Variants in EXOC2 observed in about 807,000 individuals in gnomAD.
The protein encoded by EXOC2 is SEC5-like 1.
A neutral mutation model predicts 131.8 loss-of-function variants in EXOC2; 70 were observed. The observed-to-expected ratio is 0.53, with a 90% CI of 0.44 to 0.65. The LOEUF is 0.65. Among genes scored for constraint, EXOC2 ranks in the 30% least tolerant of loss-of-function variants. EXOC2 has a pLI of 0.00. For missense variants in EXOC2, 923 were observed against 1,108.6 expected, an observed-to-expected ratio of 0.83 and a Z score of 2.38; for synonymous variants, 411 against 398.4, an observed-to-expected ratio of 1.03 and a Z score of -0.38.
At chr6:533,992 C>A (rs1015168726) in intron 22 of EXOC2, among the ~76,000 whole-genome samples, 1 of 152,166 alleles carries the variant, frequency 6.6e-6, no homozygotes, top group African/African-American at 2.4e-5. Flanking sequence ...AGAAAGAAAA[C>A]CCTCATGACG....
rs774285367 is a variant in EXOC2, at chr6:637,738, CCT to C, written c.79_80del (p.Arg27GlyfsTer20). ...EGIPWTKVTIRGENLGTGPTD... is the reference protein window; with the variant it reads ...EGIPWTKVTIXGENLGTGPTD... ...TGGGGCCAGTCCCCAGATTTTCTCC[CCT>C]GATTGTGACCTTCGTCCATGGTATC... On this transcript the variant is annotated frameshift_variant, in exon 2 of 28. Transcript: ENST00000230449. LOFTEE classifies it high-confidence loss of function. The C allele has an allele frequency of 1.3e-5, 21 of 1,613,514 alleles. No homozygotes were observed. The highest frequency in any genetic ancestry group is 3.3e-5 in the Admixed American group (2 of 59,932).
intron 6 of EXOC2, among the ~76,000 whole-genome samples, chr6:613,044 C>A (rs556396744): frequency 1.1e-3 from 175 of 152,282 alleles, no homozygotes; most frequent in African/African-American, 3.9e-3. Context: ...GCTCCAGGAA[C>A]CTCACCACCA....
chr6:539,720 A>G (rs1375314646), intron 22 of EXOC2, among the ~76,000 whole-genome samples: 3 of 152,266 alleles, frequency 2.0e-5, no homozygotes, highest in Non-Finnish European at 2.9e-5. Context: ...CTTCCAAGAA[A>G]GAAAATAAAC....
chr6:555,724 A>G (rs999023800), intron 19 of EXOC2, among the ~76,000 whole-genome samples: 10 of 152,254 alleles, frequency 6.6e-5, no homozygotes, highest in Non-Finnish European at 1.0e-4. Flanking sequence ...AAGAGAACAC[A>G]AAAAAGGGGA....
rs141243342 is a variant in EXOC2 at position 503,256 on chromosome 6, T to C, written c.2381-3556A>G. Among the ~76,000 whole-genome samples the C allele has an allele frequency of 3.9e-3, 593 of 152,246 alleles. 4 individuals carry two copies. Among genetic ancestry groups the C allele is most frequent in the Middle Eastern group, 0.024 (7 of 294 alleles). ...CATTCATTCAACTAACATAAATTCA[T>C]TGAGATCCTACTACATGGAGGATGC... On this transcript the variant is annotated intron_variant, in intron 23 of 27. Transcript: ENST00000230449.
At chr6:508,063 T>C (rs1764659657) in intron 23 of EXOC2, among the ~76,000 whole-genome samples, 1 of 152,216 alleles carries the variant, frequency 6.6e-6, no homozygotes, top group Non-Finnish European at 1.5e-5. Context: ...TCCTAAAAAA[T>C]GAGATGTTAC....
At chr6:600,767 T>C (rs752278753) in intron 7 of EXOC2, among the ~76,000 whole-genome samples, 1 of 152,152 alleles carries the variant, frequency 6.6e-6, no homozygotes, top group Non-Finnish European at 1.5e-5. Context: ...AAAATTTATA[T>C]GCAGAAATTA....
chr6:524,127 A>C (rs1275438198), intron 23 of EXOC2: 1 of 152,200 alleles, frequency 6.6e-6, no homozygotes, highest in Non-Finnish European at 1.5e-5. Context: ...ATATATGCTG[A>C]GTGGAAAGAA....
intron 1 of EXOC2, among the ~76,000 whole-genome samples, chr6:653,960 A>T (rs1762943956): frequency 6.6e-6 from 1 of 152,140 alleles, no homozygotes; most frequent in Non-Finnish European, 1.5e-5. Flanking sequence ...TGATAAATCT[A>T]CTCTGCCTGT....
chr6:541,767 C>T (rs974218293), intron 22 of EXOC2, among the ~76,000 whole-genome samples: 1 of 152,134 alleles, frequency 6.6e-6, no homozygotes, highest in African/African-American at 2.4e-5. Flanking sequence ...GGTTCTATAA[C>T]CATTAAAGAA....
At chr6:489,746 A>C (rs1326043447) in intron 26 of EXOC2, among the ~76,000 whole-genome samples, 1 of 152,252 alleles carries the variant, frequency 6.6e-6, no homozygotes, top group Non-Finnish European at 1.5e-5. Flanking sequence ...TGATTGGTTA[A>C]GGTGAAGAAA....
chr6:644,803 C>T (rs913903231), intron 1 of EXOC2, among the ~76,000 whole-genome samples: 2 of 152,058 alleles, frequency 1.3e-5, no homozygotes, highest in Non-Finnish European at 2.9e-5. Flanking sequence ...AAGACTTCTA[C>T]ATTAAAAACT....
chr6:664,880 C>T (rs1306060575), intron 1 of EXOC2, among the ~76,000 whole-genome samples: 5 of 152,114 alleles, frequency 3.3e-5, no homozygotes, highest in African/African-American at 1.2e-4. Context: ...TTGGCTTAGG[C>T]AAGGATTTCA....
chr6:690,835 A>G (rs912580390), intron 1 of EXOC2, among the ~76,000 whole-genome samples: 3 of 152,236 alleles, frequency 2.0e-5, no homozygotes, highest in Non-Finnish European at 2.9e-5. Context: ...TCACCATGTG[A>G]TTTCAGCAGG....
chr6:504,844 A>C (rs1341947763), intron 23 of EXOC2, among the ~76,000 whole-genome samples: 1 of 151,922 alleles, frequency 6.6e-6, no homozygotes, highest in Non-Finnish European at 1.5e-5. Flanking sequence ...AACAGACAGG[A>C]CCCCCCACCC....
chr6:543,256 C>T (rs62388792), intron 22 of EXOC2, among the ~76,000 whole-genome samples: 8,530 of 152,212 alleles, frequency 0.056, 301 homozygotes, highest in Middle Eastern at 0.099. Flanking sequence ...AAATGTGGTG[C>T]ATATACACAA....
intron 23 of EXOC2, among the ~76,000 whole-genome samples, chr6:526,710 G>T (rs1765769744): frequency 6.6e-6 from 1 of 152,096 alleles, no homozygotes; most frequent in Non-Finnish European, 1.5e-5. Context: ...AAAATGCCGG[G>T]ATTACAGGAG....
chr6:493,204 A>G lies in EXOC2; in HGVS notation c.2560-2018T>C, dbSNP rs565008733. Among the ~76,000 whole-genome samples, 10 of 152,378 alleles carry G rather than the reference A, an allele frequency of 6.6e-5. No homozygotes were observed. In the East Asian group the frequency reaches 1.9e-3, roughly 29 times the overall value. ...AAGCCATCTAGATCAAAGCAGATAT[A>G]TATGACACAGGATATTCAGTGACCT... On this transcript the variant is annotated intron_variant, in intron 25 of 27. Coordinates refer to ENST00000230449, the MANE Select transcript of EXOC2 (RefSeq NM_018303.6).
rs1179975672 is a variant in EXOC2 at position 598,020 on chromosome 6, C to T, written c.1073+1G>A. 1 of 1,607,612 alleles carries T rather than the reference C, an allele frequency of 6.2e-7. No homozygotes were observed. Among genetic ancestry groups the T allele is most frequent in the Non-Finnish European group, 8.5e-7 (1 of 1,174,580 alleles). ...CAACAAAATGTTTGCAGAAGATTTA[C>T]CTTATGTAACGTTTTTGGTCATGTA... On this transcript the variant is annotated splice_donor_variant, in intron 10 of 27. Transcript: ENST00000230449. LOFTEE classifies it high-confidence loss of function.
Sources: gnomAD v4.1 joint callset for allele counts (sites outside exome capture counted in the v4.1 genomes callset) on GRCh38, gnomAD v4.1.1 for gene constraint, MANE v1.5 for transcripts, NCBI Gene and HGNC (gene_info 2026-07-23, HGNC 2026-07-21) for gene names.